The following APP variants were observed in gnomAD, a reference collection of about 807,000 sequenced individuals.
APP encodes amyloid-beta precursor protein.
In APP, 31 loss-of-function variants were observed where a neutral mutation model predicts 101.4. The observed-to-expected ratio is 0.31, with a 90% CI of 0.23 to 0.41. APP has a LOEUF of 0.41. APP is among the 10% of genes least tolerant of loss of function. The pLI is 1.00. For missense variants in APP, 839 were observed against 1,003.7 expected, an observed-to-expected ratio of 0.84 and a Z score of 2.22; for synonymous variants, 366 against 364.4, an observed-to-expected ratio of 1.00 and a Z score of -0.05.
chr21:26,135,069 T>C (rs1266893761), intron 1 of APP, among the ~76,000 whole-genome samples: 2 of 152,256 alleles, frequency 1.3e-5, no homozygotes, highest in Non-Finnish European at 2.9e-5. Flanking sequence ...CATCTCTTCA[T>C]GTTTTTAAGA....
chr21:25,920,413 A>C (rs2039573065), intron 13 of APP, among the ~76,000 whole-genome samples: 1 of 152,226 alleles, frequency 6.6e-6, no homozygotes, highest in African/African-American at 2.4e-5. Flanking sequence ...AAATTCTGCA[A>C]TTAAAAGACA....
At chr21:26,014,928 G>A (rs965309516) in intron 6 of APP, among the ~76,000 whole-genome samples, 3 of 152,086 alleles carry the variant, frequency 2.0e-5, no homozygotes, top group African/African-American at 7.2e-5. Flanking sequence ...ACTCCCACAA[G>A]GCTTAAAATA....
chr21:25,900,450 T>A (rs934437053), intron 15 of APP, among the ~76,000 whole-genome samples: 5 of 142,996 alleles, frequency 3.5e-5, no homozygotes, highest in African/African-American at 1.3e-4. Context: ...TCCCAGCTAC[T>A]CCAGAAGGCT....
At chr21:25,900,217 C>T (rs2038350880) in intron 15 of APP, among the ~76,000 whole-genome samples, 1 of 151,844 alleles carries the variant, frequency 6.6e-6, no homozygotes, top group African/African-American at 2.4e-5. Context: ...TTCTTTAGAG[C>T]TCACTCCTTT....
At chr21:26,059,582 T>A (rs767295250) in intron 3 of APP, among the ~76,000 whole-genome samples, 9 of 152,034 alleles carry the variant, frequency 5.9e-5, no homozygotes, top group Non-Finnish European at 1.3e-4. Flanking sequence ...GCAGCTACAA[T>A]GATTTCACTT....
intron 5 of APP, among the ~76,000 whole-genome samples, chr21:26,028,432 G>A (rs1185454822): frequency 6.6e-6 from 1 of 152,172 alleles, no homozygotes. Flanking sequence ...GAAGTGATAG[G>A]TGGCTGTGGG....
At chr21:26,077,045 AGAGT>A (rs767731567) in intron 3 of APP, among the ~76,000 whole-genome samples, 7 of 147,396 alleles carry the variant, frequency 4.7e-5, no homozygotes, top group Non-Finnish European at 7.4e-5. Flanking sequence ...CCTGGGCGAC[AGAGT>A]GAGACTCTGT....
At chr21:26,101,476 C>T (rs1047071347) in intron 2 of APP, among the ~76,000 whole-genome samples, 3 of 152,184 alleles carry the variant, frequency 2.0e-5, no homozygotes, top group African/African-American at 7.2e-5. Flanking sequence ...GTAACTCTTA[C>T]AACACTTGCC....
At chr21:26,008,753 T>G (rs2146716106) in intron 6 of APP, among the ~76,000 whole-genome samples, 1 of 152,302 alleles carries the variant, frequency 6.6e-6, no homozygotes, top group South Asian at 2.1e-4. Context: ...GTTTCCTTGG[T>G]CTTGAGGTGT....
intron 6 of APP, among the ~76,000 whole-genome samples, chr21:26,021,472 C>G (rs45492199): frequency 7.9e-5 from 12 of 152,092 alleles, no homozygotes; most frequent in Non-Finnish European, 1.6e-4. Flanking sequence ...AGGAGCTCAT[C>G]GTCTAGGTGG....
At chr21:26,025,434 G>A (rs1031205343) in intron 5 of APP, among the ~76,000 whole-genome samples, 11 of 152,186 alleles carry the variant, frequency 7.2e-5, no homozygotes, top group Admixed American at 1.3e-4. Flanking sequence ...ATGTATACAC[G>A]TGATCTTGAA....
chr21:25,925,306 C>A (rs1382813054), intron 13 of APP, among the ~76,000 whole-genome samples: 1 of 152,224 alleles, frequency 6.6e-6, no homozygotes, highest in African/African-American at 2.4e-5. Flanking sequence ...TATTATACTT[C>A]ATCTCTCCAT....
chr21:26,151,263 T>C (rs1464111075), intron 1 of APP, among the ~76,000 whole-genome samples: 49 of 152,182 alleles, frequency 3.2e-4, no homozygotes, highest in Admixed American at 3.2e-3. Flanking sequence ...TGTAACCCAC[T>C]TCATGCTCCC....
intron 17 of APP, among the ~76,000 whole-genome samples, chr21:25,885,126 G>C (rs2037238728): frequency 6.6e-6 from 1 of 152,268 alleles, no homozygotes; most frequent in Non-Finnish European, 1.5e-5. Flanking sequence ...TACAGAAGAA[G>C]GGATTATCTT....
chr21:26,033,532 T>C (rs573242363), intron 5 of APP, among the ~76,000 whole-genome samples: 3 of 152,160 alleles, frequency 2.0e-5, no homozygotes, highest in African/African-American at 7.2e-5. Flanking sequence ...ATTCTCAGTA[T>C]GGTGGAGGAG....
At chr21:26,024,174 C>G (rs2830009) in intron 5 of APP, among the ~76,000 whole-genome samples, 12,345 of 152,138 alleles carry the variant, frequency 0.081, 844 homozygotes, top group East Asian at 0.3. Flanking sequence ...GATCAGATCA[C>G]AAAACCAATA....
At chr21:26,109,535 G>A (rs532873827) in intron 2 of APP, among the ~76,000 whole-genome samples, 8 of 152,250 alleles carry the variant, frequency 5.3e-5, no homozygotes, top group Middle Eastern at 3.4e-3. Flanking sequence ...CTTTGGAACC[G>A]TGAACCACTT....
intron 1 of APP, among the ~76,000 whole-genome samples, chr21:26,139,148 T>A (rs909803087): frequency 4.6e-5 from 7 of 151,828 alleles, no homozygotes; most frequent in African/African-American, 1.7e-4. Flanking sequence ...GGATGAGAAA[T>A]AAGTAAATAA....
At chr21:25,952,453 G>T (rs2041130877) in intron 13 of APP, among the ~76,000 whole-genome samples, 1 of 150,994 alleles carries the variant, frequency 6.6e-6, no homozygotes, top group African/African-American at 2.4e-5. Context: ...ACTGAGATTT[G>T]AAGTTTATTG....
Sources: allele counts gnomAD v4.1 joint callset (sites outside exome capture counted in the v4.1 genomes callset), GRCh38; gene constraint gnomAD v4.1.1; transcripts MANE v1.5; gene names NCBI Gene and HGNC (gene_info 2026-07-23, HGNC 2026-07-21).